Variants in SMYD3 observed in about 807,000 individuals in gnomAD.
The protein encoded by SMYD3 is histone-lysine N-methyltransferase SMYD3.
Under a neutral mutation model 57.7 loss-of-function variants are expected in SMYD3, and 36 were observed. The ratio of observed to expected loss-of-function variants is 0.62; its 90% confidence interval spans 0.48 to 0.82. SMYD3 has a LOEUF of 0.82. Ranked by LOEUF, SMYD3 falls within the 40% of genes least tolerant of loss-of-function variation. The pLI is 0.00. For synonymous variants in SMYD3, 211 were observed against 195.0 expected (o/e 1.08, Z -0.68); for missense variants, 515 against 538.8 (o/e 0.96, Z 0.44).
At chr1:246,080,635 A>G (rs2060624522) in intron 5 of SMYD3, among the ~76,000 whole-genome samples, 1 of 152,208 alleles carries the variant, frequency 6.6e-6, no homozygotes, top group South Asian at 2.1e-4. Context: ...TTGTAAAAAG[A>G]AAGATTACCA....
intron 1 of SMYD3, among the ~76,000 whole-genome samples, chr1:246,362,645 T>C (rs2066013881): frequency 6.6e-6 from 1 of 152,252 alleles, no homozygotes; most frequent in Non-Finnish European, 1.5e-5. Flanking sequence ...ATTTTTTTGG[T>C]GGAGACGGGG....
chr1:246,332,615 G>A (rs2065479189), intron 3 of SMYD3, among the ~76,000 whole-genome samples: 1 of 152,236 alleles, frequency 6.6e-6, no homozygotes, highest in Non-Finnish European at 1.5e-5. Flanking sequence ...AGACCAGCCT[G>A]GCCAACATGG....
At chr1:245,790,960 T>C (rs1430032172) in intron 10 of SMYD3, among the ~76,000 whole-genome samples, 2 of 152,208 alleles carry the variant, frequency 1.3e-5, no homozygotes, top group South Asian at 2.1e-4. Context: ...AAAATAAAGG[T>C]AGGTGATACA....
chr1:246,287,327 A>T (rs1412035881), intron 5 of SMYD3, among the ~76,000 whole-genome samples: 1 of 152,220 alleles, frequency 6.6e-6, no homozygotes, highest in Non-Finnish European at 1.5e-5. Flanking sequence ...TGAGCTAAAG[A>T]TTTCCTTTTA....
At chr1:245,762,659 C>A (rs764806974) in intron 11 of SMYD3, among the ~76,000 whole-genome samples, 2 of 152,316 alleles carry the variant, frequency 1.3e-5, no homozygotes, top group South Asian at 2.1e-4. Context: ...GTTGGCCACA[C>A]GCTGACTTTA....
At chr1:246,036,539 C>CTTTTTTTTTTTTTTTT (rs59062672) in intron 5 of SMYD3, among the ~76,000 whole-genome samples, 27 of 144,958 alleles carry the variant, frequency 1.9e-4, no homozygotes, top group African/African-American at 2.3e-4. Flanking sequence ...TTCTTTCTCT[C>CTTTTTTTTTTTTTTTT]TTTTTTTTTT....
intron 8 of SMYD3, among the ~76,000 whole-genome samples, chr1:245,914,592 C>A (rs1259663836): frequency 6.6e-6 from 1 of 152,088 alleles, no homozygotes; most frequent in Non-Finnish European, 1.5e-5. Flanking sequence ...AAGTAGAGAG[C>A]AGAACTGTGG....
chr1:246,335,585 A>T, intron 2 of SMYD3, 111 bp from the exon 3 acceptor site: 1 of 777,934 alleles, frequency 1.3e-6, no homozygotes, highest in Non-Finnish European at 2.1e-6. Flanking sequence ...TCCAAATGTA[A>T]CTGCACAATA....
chr1:245,822,743 G>C (rs2049243241), intron 10 of SMYD3, among the ~76,000 whole-genome samples: 1 of 151,954 alleles, frequency 6.6e-6, no homozygotes, highest in African/African-American at 2.4e-5. Context: ...GACTCTAGTG[G>C]GGCCCTTTCA....
At chr1:246,040,350 T>C (rs1222351750) in intron 5 of SMYD3, among the ~76,000 whole-genome samples, 2 of 152,222 alleles carry the variant, frequency 1.3e-5, no homozygotes, top group African/African-American at 2.4e-5. Flanking sequence ...ATTAAATACT[T>C]GTGCTTCGCC....
intron 10 of SMYD3, among the ~76,000 whole-genome samples, chr1:245,827,250 C>T (rs745413834): frequency 1.1e-4 from 17 of 152,174 alleles, no homozygotes; most frequent in Non-Finnish European, 2.1e-4. Flanking sequence ...TCTGACTCTA[C>T]AGCCTGTTGT....
At chr1:246,256,833 T>C (rs11487710) in intron 5 of SMYD3, among the ~76,000 whole-genome samples, 6,537 of 152,302 alleles carry the variant, frequency 0.043, 481 homozygotes, top group African/African-American at 0.15. Flanking sequence ...TTAACACTAC[T>C]TTTGCTGCAT....
chr1:246,060,577 T>C (rs1415551916), intron 5 of SMYD3, among the ~76,000 whole-genome samples: 2 of 152,242 alleles, frequency 1.3e-5, no homozygotes, highest in African/African-American at 4.8e-5. Flanking sequence ...TTATTCATTT[T>C]AATAAATTTT....
chr1:246,171,576 T>TA (rs2062334205), intron 5 of SMYD3, among the ~76,000 whole-genome samples: 156 of 152,316 alleles, frequency 1.0e-3, no homozygotes, highest in Admixed American at 0.01. Context: ...ACTACACACC[T>TA]GGGCTACATG....
intron 1 of SMYD3, among the ~76,000 whole-genome samples, chr1:246,398,141 G>A (rs777053850): frequency 6.6e-6 from 1 of 152,024 alleles, no homozygotes; most frequent in Non-Finnish European, 1.5e-5. Context: ...TGTGATCTCC[G>A]GAACAATGGC....
At chr1:246,318,254 C>T (rs1441743444) in intron 5 of SMYD3, among the ~76,000 whole-genome samples, 1 of 151,984 alleles carries the variant, frequency 6.6e-6, no homozygotes, top group Non-Finnish European at 1.5e-5. Context: ...GGCATGGTGG[C>T]ACACACTTGT....
intron 10 of SMYD3, among the ~76,000 whole-genome samples, chr1:245,801,295 G>A (rs191492172): frequency 1.3e-5 from 2 of 152,264 alleles, no homozygotes; most frequent in African/African-American, 4.8e-5. Flanking sequence ...ACAGAGTATC[G>A]GATTTGACAA....
rs189628917 is a variant in SMYD3 at position 246,196,913 on chromosome 1, G to A, written c.531+130288C>T. On this transcript the variant is annotated intron_variant, in intron 5 of 11. Transcript: ENST00000490107. Reference sequence around the variant, plus strand: ...GAAAACAGGGCACATTGAAGAAATGGCTGCTTCTAGGATATGAGCAGGAAA... The same window carrying A: ...GAAAACAGGGCACATTGAAGAAATGACTGCTTCTAGGATATGAGCAGGAAA... Among the ~76,000 whole-genome samples the A allele has an allele frequency of 3.3e-5, 5 of 152,014 alleles. No homozygotes were observed. In the East Asian group the frequency reaches 9.7e-4, roughly 29 times the overall value.
chr1:246,483,250 G>C (rs1469087767), intron 1 of SMYD3, among the ~76,000 whole-genome samples: 1 of 152,116 alleles, frequency 6.6e-6, no homozygotes, highest in Non-Finnish European at 1.5e-5. Context: ...ATAAGTCCTT[G>C]AAATCAGGCA....
Sources: allele counts gnomAD v4.1 joint callset (sites outside exome capture counted in the v4.1 genomes callset), GRCh38; gene constraint gnomAD v4.1.1; transcripts MANE v1.5; gene names NCBI Gene and HGNC (gene_info 2026-07-23, HGNC 2026-07-21).